LPP: variants seen among roughly 807,000 people sequenced by gnomAD.
LPP encodes the protein lipoma-preferred partner.
In LPP, 38 loss-of-function variants were observed where a neutral mutation model predicts 60.4. The observed-to-expected ratio is 0.63, with a 90% CI of 0.49 to 0.83. LPP has a LOEUF of 0.83. Among genes scored for constraint, LPP ranks in the 40% least tolerant of loss-of-function variants. The probability of loss-of-function intolerance (pLI) is 0.00; values close to 1 mark genes in which losing one functional copy is unlikely to be tolerated. For missense variants in LPP, 902 were observed against 783.6 expected, an observed-to-expected ratio of 1.15 and a Z score of -1.80; for synonymous variants, 328 against 290.8, an observed-to-expected ratio of 1.13 and a Z score of -1.30.
At chr3:188,530,507 T>C (rs1042363665) in intron 6 of LPP, among the ~76,000 whole-genome samples, 1 of 152,162 alleles carries the variant, frequency 6.6e-6, no homozygotes, top group Non-Finnish European at 1.5e-5. Context: ...TCCAGCTCAC[T>C]TAGCCAAACT....
chr3:188,547,000 G>A (rs1041789719), intron 6 of LPP, among the ~76,000 whole-genome samples: 1 of 152,158 alleles, frequency 6.6e-6, no homozygotes, highest in African/African-American at 2.4e-5. Flanking sequence ...AAGCCATAAC[G>A]ACAAGAATAT....
At chr3:188,484,947 A>G (rs927872058) in intron 5 of LPP, among the ~76,000 whole-genome samples, 7 of 152,058 alleles carry the variant, frequency 4.6e-5, no homozygotes, top group Non-Finnish European at 1.0e-4. Context: ...TTTGCCTACT[A>G]ATTTTGTTTC....
intron 2 of LPP, among the ~76,000 whole-genome samples, chr3:188,323,472 C>G (rs972666727): frequency 2.0e-5 from 3 of 152,170 alleles, no homozygotes; most frequent in African/African-American, 7.2e-5. Context: ...TAGACAGCCA[C>G]TTATTTTCTG....
intron 4 of LPP, among the ~76,000 whole-genome samples, chr3:188,439,374 T>C (rs1432165783): frequency 1.3e-5 from 2 of 152,216 alleles, no homozygotes; most frequent in Non-Finnish European, 2.9e-5. Context: ...TCAAGAGAGT[T>C]CTAGAAAATA....
intron 3 of LPP, among the ~76,000 whole-genome samples, chr3:188,371,641 A>ATATATATTT (rs1553878071): frequency 1.6e-4 from 5 of 32,172 alleles, no homozygotes; most frequent in Non-Finnish European, 2.1e-4. Flanking sequence ...ATATATATAT[A>ATATATATTT]TTTTTTTTTT....
At chr3:188,285,322 G>A (rs762275997) in intron 2 of LPP, among the ~76,000 whole-genome samples, 1 of 152,178 alleles carries the variant, frequency 6.6e-6, no homozygotes, top group Non-Finnish European at 1.5e-5. Flanking sequence ...CCCGTGGGTT[G>A]TGCACATCTC....
intron 6 of LPP, among the ~76,000 whole-genome samples, chr3:188,536,991 C>T (rs1823816658): frequency 6.6e-6 from 1 of 152,204 alleles, no homozygotes; most frequent in Non-Finnish European, 1.5e-5. Flanking sequence ...CCCAAATGGC[C>T]AACTTATGTT....
intron 9 of LPP, among the ~76,000 whole-genome samples, chr3:188,861,600 C>T (rs930598508): frequency 2.6e-5 from 4 of 151,934 alleles, no homozygotes; most frequent in African/African-American, 7.3e-5. Flanking sequence ...TAGTAGTTCA[C>T]GTTTATGTTA....
rs142665717 is a variant in LPP, at chr3:188,715,067, A to G, written c.1240+6674A>G. On this transcript the variant is annotated intron_variant, in intron 8 of 11. Transcript: ENST00000617246. ...TAGAAAAATATGTTGATACTAAAGG[A>G]GGCTCTCAGTTCTAGTGATAGATAC... is the stretch of plus-strand genomic sequence containing the variant. Among the ~76,000 whole-genome samples the G allele has an allele frequency of 7.2e-3, 1,100 of 152,214 alleles. 4 individuals are homozygous for G. The highest frequency in any genetic ancestry group is 0.011 in the Non-Finnish European group (721 of 68,006).
chr3:188,206,115 A>G (rs899282526), intron 1 of LPP, among the ~76,000 whole-genome samples: 10 of 151,726 alleles, frequency 6.6e-5, no homozygotes, highest in African/African-American at 1.9e-4. Flanking sequence ...GAGCTCCCTT[A>G]CCCCTGGGCC....
In LPP at chr3:188,573,861, T is replaced by C. The variant is rs113985091; in HGVS notation, c.430-35300T>C. Among the ~76,000 whole-genome samples, 166 of 152,218 alleles carry C rather than the reference T, an allele frequency of 1.1e-3. 1 individual carries two copies. The highest frequency in any genetic ancestry group is 3.8e-3 in the African/African-American group (158 of 41,536). On this transcript the variant is annotated intron_variant, in intron 6 of 11. Transcript: ENST00000617246. ...AAAAGAGGGCGTCTCTAATCAATAG[T>C]TTAGACAAGTTTGCAAGTGGAAGAT... is the stretch of plus-strand genomic sequence containing the variant.
intron 6 of LPP, among the ~76,000 whole-genome samples, chr3:188,567,800 C>T (rs1832554883): frequency 6.6e-6 from 1 of 151,928 alleles, no homozygotes; most frequent in African/African-American, 2.4e-5. Flanking sequence ...TGCATATCAA[C>T]ACCTGTTTAA....
intron 5 of LPP, among the ~76,000 whole-genome samples, chr3:188,523,788 A>T (rs1191596199): frequency 6.6e-6 from 1 of 152,196 alleles, no homozygotes; most frequent in Non-Finnish European, 1.5e-5. Context: ...TCTCTTAATG[A>T]AGTTTTAAGA....
chr3:188,483,208 A>C (rs1022196946), intron 4 of LPP, among the ~76,000 whole-genome samples: 12 of 152,316 alleles, frequency 7.9e-5, no homozygotes, highest in East Asian at 7.7e-4. Flanking sequence ...GCTTAGCTAC[A>C]CTTTGAATTC....
chr3:188,239,956 A>T (rs193048582), intron 2 of LPP: 1 of 200,158 alleles, frequency 5.0e-6, no homozygotes, highest in Non-Finnish European at 1.0e-5. Context: ...TTTATCCCAA[A>T]CACCTCACTT....
intron 6 of LPP, among the ~76,000 whole-genome samples, chr3:188,597,866 C>G (rs994997261): frequency 6.6e-6 from 1 of 151,822 alleles, no homozygotes; most frequent in African/African-American, 2.4e-5. Flanking sequence ...TTTGCTAGAC[C>G]CTAAGGATGG....
In LPP at chr3:188,816,418, G is replaced by A. The variant is rs1265358589; in HGVS notation, c.1411-49782G>A. Among the ~76,000 whole-genome samples, 3 of 151,986 alleles carry A rather than the reference G, an allele frequency of 2.0e-5. No individual in the cohort carries two copies. In the South Asian group the frequency reaches 6.2e-4, roughly 32 times the overall value. On this transcript the variant is annotated intron_variant, in intron 9 of 11. Transcript: ENST00000617246. Reference sequence around the variant, plus strand: ...GAGTTTCACCATGTTAGCCAGGATGGTCTTGATCTCCTGACCTGGTGATCC... The same window carrying A: ...GAGTTTCACCATGTTAGCCAGGATGATCTTGATCTCCTGACCTGGTGATCC...
intron 7 of LPP, among the ~76,000 whole-genome samples, chr3:188,681,454 A>C (rs1197814757): frequency 6.6e-6 from 1 of 152,184 alleles, no homozygotes; most frequent in Non-Finnish European, 1.5e-5. Context: ...CAAAATGTTC[A>C]TAGCATTTGA....
At chr3:188,482,188 G>T (rs1289837951) in intron 4 of LPP, among the ~76,000 whole-genome samples, 1 of 152,114 alleles carries the variant, frequency 6.6e-6, no homozygotes, top group Non-Finnish European at 1.5e-5. Context: ...AGGCCCTCTA[G>T]CTATGCTTCC....
Sources: gnomAD v4.1 joint callset for allele counts (sites outside exome capture counted in the v4.1 genomes callset) on GRCh38, gnomAD v4.1.1 for gene constraint, MANE v1.5 for transcripts, NCBI Gene and HGNC (gene_info 2026-07-23, HGNC 2026-07-21) for gene names.